Variants in SEMA3E observed in about 807,000 individuals in gnomAD.
The protein encoded by SEMA3E is semaphorin-3E.
A neutral mutation model predicts 93.6 loss-of-function variants in SEMA3E; 49 were observed. The ratio of observed to expected loss-of-function variants is 0.52; its 90% CI spans 0.42 to 0.66. The LOEUF is 0.66. SEMA3E is among the 30% of genes least tolerant of loss of function. The pLI is 0.00. For missense variants in SEMA3E, 906 were observed against 964.8 expected (o/e 0.94, Z 0.81); for synonymous variants, 363 against 330.7 (o/e 1.10, Z -1.06).
chr7:83,620,260 T>C (rs1451068731), intron 1 of SEMA3E, among the ~76,000 whole-genome samples: 1 of 152,012 alleles, frequency 6.6e-6, no homozygotes, highest in East Asian at 1.9e-4. Context: ...GGTGTATTTC[T>C]GATTTGTATT....
chr7:83,420,172 A>ATT (rs1448100498), intron 4 of SEMA3E, among the ~76,000 whole-genome samples: 1 of 152,190 alleles, frequency 6.6e-6, no homozygotes, highest in Non-Finnish European at 1.5e-5. Flanking sequence ...CAAATTAAGA[A>ATT]CACAATCTAA....
intron 2 of SEMA3E, among the ~76,000 whole-genome samples, chr7:83,488,666 G>A (rs944200158): frequency 9.9e-5 from 15 of 152,066 alleles, no homozygotes; most frequent in East Asian, 3.9e-4. Flanking sequence ...ATATGCTTCC[G>A]CAACATGGCA....
chr7:83,628,961 G>A (rs1349628354), intron 1 of SEMA3E, among the ~76,000 whole-genome samples: 2 of 152,042 alleles, frequency 1.3e-5, no homozygotes, highest in Non-Finnish European at 2.9e-5. Flanking sequence ...ACCTTCAGAT[G>A]GAGTTTTTGA....
intron 5 of SEMA3E, among the ~76,000 whole-genome samples, chr7:83,411,276 A>T (rs1788434600): frequency 6.6e-6 from 1 of 152,086 alleles, no homozygotes. Flanking sequence ...CCAGTTTCCC[A>T]TTTTGCACTC....
chr7:83,380,700 A>G (rs1453325137), intron 16 of SEMA3E, among the ~76,000 whole-genome samples: 1 of 151,860 alleles, frequency 6.6e-6, no homozygotes, highest in Non-Finnish European at 1.5e-5. Flanking sequence ...AACACATATA[A>G]TTATCTGTTT....
At chr7:83,591,565 C>T (rs987932954) in intron 1 of SEMA3E, among the ~76,000 whole-genome samples, 1 of 151,698 alleles carries the variant, frequency 6.6e-6, no homozygotes, top group African/African-American at 2.4e-5. Context: ...GGTTTTTACA[C>T]ATATAAATTA....
At chr7:83,517,082 T>C (rs1790944288) in intron 1 of SEMA3E, among the ~76,000 whole-genome samples, 1 of 152,120 alleles carries the variant, frequency 6.6e-6, no homozygotes, top group African/African-American at 2.4e-5. Context: ...ACCATGCATC[T>C]TTAGTATTCC....
At chr7:83,606,542 C>A (rs1392342216) in intron 1 of SEMA3E, among the ~76,000 whole-genome samples, 1 of 141,674 alleles carries the variant, frequency 7.1e-6, no homozygotes, top group Non-Finnish European at 1.5e-5. Context: ...TATTCTCACG[C>A]ATAGGTGGGA....
chr7:83,513,418 T>A (rs1311771335), intron 1 of SEMA3E, among the ~76,000 whole-genome samples: 1 of 152,196 alleles, frequency 6.6e-6, no homozygotes, highest in East Asian at 1.9e-4. Context: ...ATGTTTTAAG[T>A]TAGAAACAAC....
At position 83,469,152 on chromosome 7, in the gene SEMA3E, A is replaced by G. The variant is rs185166591; in HGVS notation, c.336+91T>C. On this transcript the variant is annotated intron_variant, in intron 3 of 16. Coordinates refer to ENST00000643230, the MANE Select transcript of SEMA3E (RefSeq NM_012431.3). ...ACCAAATTGCATACATACTTTTATA[A>G]GAGCAAATAAAAATTTCAGTGATTC... is the stretch of plus-strand genomic sequence containing the variant. The G allele has an allele frequency of 2.7e-3, 2,754 of 1,031,580 alleles. 5 individuals carry two copies. Among genetic ancestry groups the G allele is most frequent in the Non-Finnish European group, 3.8e-3 (2,478 of 660,344 alleles). The allele number at this position is 1,031,580 out of a possible 1,614,324, so 63.9% of individuals were successfully genotyped here.
At chr7:83,492,607 G>A (rs1448690984) in intron 1 of SEMA3E, among the ~76,000 whole-genome samples, 1 of 151,830 alleles carries the variant, frequency 6.6e-6, no homozygotes, top group Non-Finnish European at 1.5e-5. Context: ...AGATGTGCAC[G>A]TTTCTGTGGG....
At chr7:83,639,895 G>A (rs922039268) in intron 1 of SEMA3E, among the ~76,000 whole-genome samples, 1 of 151,916 alleles carries the variant, frequency 6.6e-6, no homozygotes, top group Non-Finnish European at 1.5e-5. Context: ...GTAAGGAGAA[G>A]AAAGGAGCCC....
intron 1 of SEMA3E, among the ~76,000 whole-genome samples, chr7:83,561,515 T>C (rs540859550): frequency 6.6e-6 from 1 of 152,234 alleles, no homozygotes; most frequent in South Asian, 2.1e-4. Flanking sequence ...CAGAAAACTT[T>C]GTTCTTAACA....
intron 2 of SEMA3E, among the ~76,000 whole-genome samples, chr7:83,486,667 C>T (rs991620143): frequency 6.6e-6 from 1 of 151,964 alleles, no homozygotes. Flanking sequence ...TCTGAAGAAA[C>T]GGGAAGAACA....
At chr7:83,486,025 C>T (rs1790244649) in intron 2 of SEMA3E, among the ~76,000 whole-genome samples, 1 of 151,864 alleles carries the variant, frequency 6.6e-6, no homozygotes, top group Non-Finnish European at 1.5e-5. Flanking sequence ...CCGGGTAGAT[C>T]CATGGTTAAT....
At chr7:83,546,019 ATTATATTT>A (rs1346038229) in intron 1 of SEMA3E, among the ~76,000 whole-genome samples, 1 of 146,906 alleles carries the variant, frequency 6.8e-6, no homozygotes, top group Non-Finnish European at 1.5e-5. Context: ...AATATTATAT[ATTATATTT>A]TTATATTTTA....
chr7:83,452,316 G>A (rs1292788112), intron 4 of SEMA3E, among the ~76,000 whole-genome samples: 1 of 151,984 alleles, frequency 6.6e-6, no homozygotes, highest in African/African-American at 2.4e-5. Context: ...ATTTATATTT[G>A]TTCAAGTGGG....
chr7:83,562,312 A>G (rs1420613573), intron 1 of SEMA3E, among the ~76,000 whole-genome samples: 1 of 152,006 alleles, frequency 6.6e-6, no homozygotes, highest in Non-Finnish European at 1.5e-5. Context: ...ATATTTTCCA[A>G]AACTGACTAT....
chr7:83,559,754 A>G (rs1475651207), intron 1 of SEMA3E, among the ~76,000 whole-genome samples: 1 of 152,092 alleles, frequency 6.6e-6, no homozygotes, highest in African/African-American at 2.4e-5. Context: ...GTATATCCAC[A>G]CAAAACCCTG....
Sources: gnomAD v4.1 joint callset for allele counts (sites outside exome capture counted in the v4.1 genomes callset) on GRCh38, gnomAD v4.1.1 for gene constraint, MANE v1.5 for transcripts, NCBI Gene and HGNC (gene_info 2026-07-23, HGNC 2026-07-21) for gene names.